PSME4: variants seen among roughly 807,000 people sequenced by gnomAD.
PSME4 encodes the protein proteasome activator subunit 4.
In PSME4, 89 loss-of-function variants were observed where a neutral mutation model predicts 253.9. The ratio of observed to expected loss-of-function variants is 0.35; its 90% confidence interval spans 0.30 to 0.42. PSME4 has a LOEUF of 0.42. Among genes scored for constraint, PSME4 ranks in the 10% least tolerant of loss-of-function variants. PSME4 has a pLI of 1.00. For synonymous variants in PSME4, 851 were observed against 759.2 expected (o/e 1.12, Z -1.99); for missense variants, 2,014 against 2,195.2 (o/e 0.92, Z 1.65).
chr2:53,893,881 T>C, intron 34 of PSME4, 82 bp from the exon 35 acceptor site: 2 of 1,454,594 alleles, frequency 1.4e-6, no homozygotes, highest in Non-Finnish European at 1.8e-6. Context: ...AATTACAAGA[T>C]TTTGATAGTC....
intron 3 of PSME4, among the ~76,000 whole-genome samples, chr2:53,946,283 G>C (rs1023765490): frequency 1.3e-4 from 20 of 152,152 alleles, no homozygotes; most frequent in Admixed American, 1.3e-3. Flanking sequence ...TGAAGAAACC[G>C]CCTTACCTCC....
chr2:53,906,950 G>T, intron 24 of PSME4, 82 bp from the exon 25 acceptor site: 1 of 1,329,378 alleles, frequency 7.5e-7, no homozygotes, highest in Non-Finnish European at 1.1e-6. Context: ...ACCTTAATAA[G>T]TGGTCAAAAA....
chr2:53,879,034 G>A (rs879567850), intron 41 of PSME4, among the ~76,000 whole-genome samples: 13 of 152,076 alleles, frequency 8.5e-5, no homozygotes, highest in African/African-American at 1.7e-4. Context: ...TGTCTCCCCC[G>A]GACACCCAGC....
intron 3 of PSME4, among the ~76,000 whole-genome samples, chr2:53,941,604 G>C (rs543825946): frequency 5.9e-5 from 9 of 152,044 alleles, no homozygotes; most frequent in East Asian, 1.9e-4. Flanking sequence ...TTTTATATCA[G>C]AGTAACAAAA....
At chr2:53,947,414 T>C (rs1227110283) in intron 3 of PSME4, among the ~76,000 whole-genome samples, 1 of 152,120 alleles carries the variant, frequency 6.6e-6, no homozygotes, top group Non-Finnish European at 1.5e-5. Context: ...CTTCAAGAAA[T>C]GAGTACACAG....
chr2:53,970,074 C>A (rs1462414011), intron 1 of PSME4, among the ~76,000 whole-genome samples: 3 of 152,170 alleles, frequency 2.0e-5, no homozygotes, highest in African/African-American at 7.2e-5. Flanking sequence ...TTACTAGACG[C>A]CAACGGAGAT....
Position 53,926,903 on chromosome 2 carries a change from G to C in PSME4, c.1593+491C>G, listed in dbSNP as rs533425850. Reference sequence around the variant, plus strand: ...GCAGGAGAATTGCTTGAACCAGGAGGTGGAGGTTGCAGTGAGCCGATATCA... The same window carrying C: ...GCAGGAGAATTGCTTGAACCAGGAGCTGGAGGTTGCAGTGAGCCGATATCA... On this transcript the variant is annotated intron_variant, in intron 12 of 46. Transcript: ENST00000404125. Among the ~76,000 whole-genome samples the C allele has an allele frequency of 1.5e-3, 234 of 151,838 alleles. 1 individual carries two copies. The highest frequency in any genetic ancestry group is 5.2e-3 in the African/African-American group (215 of 41,400).
chr2:53,898,201 T>C (rs1680229864), intron 30 of PSME4, 100 bp downstream of exon 30: 3 of 1,276,204 alleles, frequency 2.4e-6, no homozygotes, highest in African/African-American at 3.0e-5. Context: ...AACCGGAATA[T>C]AACTTTTTGT....
rs565696320 is a variant in PSME4 at position 53,962,901 on chromosome 2, G to A, written c.242+7642C>T. On this transcript the variant is annotated intron_variant, in intron 1 of 46. Coordinates refer to ENST00000404125, the MANE Select transcript of PSME4 (RefSeq NM_014614.3). ...TGGCTGCACCTGTAGTCCCAGCTAC[G>A]CAGGAGGCTGAAACAGGAAAATCAC... Among the ~76,000 whole-genome samples, 13 of 151,900 alleles carry A rather than the reference G, an allele frequency of 8.6e-5. 1 individual carries two copies. Among genetic ancestry groups the A allele is most frequent in the Middle Eastern group, 3.4e-3 (1 of 292 alleles).
At chr2:53,923,913 C>CAAAAAAAAAAAAA (rs199929436) in intron 14 of PSME4, among the ~76,000 whole-genome samples, 3 of 96,876 alleles carry the variant, frequency 3.1e-5, no homozygotes, top group African/African-American at 9.0e-5. Context: ...ACAGAGTTAA[C>CAAAAAAAAAAAAA]AAAAAAAAAA....
At chr2:53,936,917 C>G in intron 5 of PSME4, 90 bp from the exon 6 acceptor site, 1 of 844,952 alleles carries the variant, frequency 1.2e-6, no homozygotes, top group Non-Finnish European at 1.9e-6. Flanking sequence ...ATCTATTATT[C>G]TTACTGATAA....
intron 11 of PSME4, among the ~76,000 whole-genome samples, chr2:53,927,904 C>T (rs768939558): frequency 1.3e-5 from 2 of 152,064 alleles, no homozygotes; most frequent in Non-Finnish European, 2.9e-5. Context: ...GAGCCGAGGT[C>T]GCGCCACTGC....
In PSME4 at chr2:53,866,336, C is replaced by T; in HGVS notation, c.5398-113G>A. The T allele has an allele frequency of 6.0e-6, 7 of 1,157,376 alleles. No homozygotes were observed. The South Asian group carries it at 1.0e-4, about 17-fold the overall frequency. 71.7% of individuals were successfully genotyped at this position (1,157,376 alleles called of 1,614,324 possible). On this transcript the variant is annotated intron_variant, in intron 45 of 46. Coordinates refer to ENST00000404125, the MANE Select transcript of PSME4 (RefSeq NM_014614.3). The stretch of plus-strand genomic sequence containing the variant: ...CTAGACTTCAGATCTCACACAATAC[C>T]AAGTTCTACAAAACCAAAAAGCCAA...
At chr2:53,949,044 T>A in intron 2 of PSME4, 99 bp downstream of exon 2, 1 of 1,394,900 alleles carries the variant, frequency 7.2e-7, no homozygotes, top group East Asian at 2.5e-5. Flanking sequence ...AATTGGCAAT[T>A]TGAGACTTGG....
In PSME4 at chr2:53,937,483, GCA is replaced by G. The variant is rs752983487; in HGVS notation, c.601_602del (p.Cys201ProfsTer3). 1 of 1,610,926 alleles carries G rather than the reference GCA, an allele frequency of 6.2e-7. No individual in the cohort carries two copies. On this transcript the variant is annotated frameshift_variant, in exon 5 of 47. Transcript: ENST00000404125. LOFTEE classifies it high-confidence loss of function. ...EMLEEWRPLM[C>X]PFDVTMQKAI... ...CCTTTTGCATGGTTACATCAAAAGG[GCA>G]CATTAAAGGTCGCCATTCTTCTAGC...
chr2:53,881,525 A>G (rs548616521), intron 41 of PSME4: 13 of 152,292 alleles, frequency 8.5e-5, no homozygotes, highest in African/African-American at 2.9e-4. Flanking sequence ...CACTGATATT[A>G]AACTCACACT....
chr2:53,867,791 G>A (rs764850954), intron 44 of PSME4, among the ~76,000 whole-genome samples: 8 of 151,500 alleles, frequency 5.3e-5, no homozygotes, highest in East Asian at 3.9e-4. Context: ...CAAAATTAGC[G>A]TGGTTTTTTT....
At chr2:53,884,685 T>C (rs1407248613) in intron 41 of PSME4, among the ~76,000 whole-genome samples, 1 of 152,164 alleles carries the variant, frequency 6.6e-6, no homozygotes, top group African/African-American at 2.4e-5. Context: ...ATGTTCTATA[T>C]CCGCTTGGTA....
intron 1 of PSME4, among the ~76,000 whole-genome samples, chr2:53,956,613 C>T (rs1203364646): frequency 1.3e-5 from 2 of 151,780 alleles, no homozygotes; most frequent in East Asian, 1.9e-4. Flanking sequence ...CTCTCTGTTG[C>T]CCAAGCTGGA....
Sources: gnomAD v4.1 joint callset for allele counts (sites outside exome capture counted in the v4.1 genomes callset) on GRCh38, gnomAD v4.1.1 for gene constraint, MANE v1.5 for transcripts, NCBI Gene and HGNC (gene_info 2026-07-23, HGNC 2026-07-21) for gene names.